The following TMEM117 variants were observed in gnomAD, a reference collection of about 807,000 sequenced individuals.
TMEM117 encodes the protein transmembrane protein 117.
TMEM117 carries 27 observed loss-of-function variants against 52.4 expected under a neutral mutation model. The observed-to-expected ratio is 0.51, with a 90% CI of 0.38 to 0.71. The LOEUF (loss-of-function observed/expected upper bound fraction) is 0.71, where lower values mean the gene tolerates loss of function less well. TMEM117 is among the 30% of genes least tolerant of loss of function. The pLI is 0.00. For missense variants in TMEM117, 556 were observed against 630.5 expected (o/e 0.88, Z 1.26); for synonymous variants, 215 against 206.3 (o/e 1.04, Z -0.36).
At chr12:44,189,457 T>C (rs1382803643) in intron 4 of TMEM117, among the ~76,000 whole-genome samples, 5 of 152,176 alleles carry the variant, frequency 3.3e-5, no homozygotes, top group African/African-American at 4.8e-5. Flanking sequence ...TTCTATACAA[T>C]AGTACCCTCC....
chr12:44,260,965 A>G (rs1950314011), intron 5 of TMEM117, among the ~76,000 whole-genome samples: 1 of 152,218 alleles, frequency 6.6e-6, no homozygotes, highest in African/African-American at 2.4e-5. Context: ...TTTATATAGC[A>G]TGTTTCTTGT....
At chr12:43,971,720 AG>A (rs1945590479) in intron 3 of TMEM117, among the ~76,000 whole-genome samples, 1 of 152,154 alleles carries the variant, frequency 6.6e-6, no homozygotes, top group African/African-American at 2.4e-5. Flanking sequence ...TCCCACCTCC[AG>A]TACTCTAGAT....
chr12:44,019,149 G>C (rs767641606), intron 3 of TMEM117, among the ~76,000 whole-genome samples: 8 of 151,800 alleles, frequency 5.3e-5, no homozygotes, highest in Non-Finnish European at 8.8e-5. Context: ...TTGTGTTTTT[G>C]TATGAAAGAA....
the TMEM117 span, among the ~76,000 whole-genome samples, chr12:43,824,264 T>C: frequency 6.6e-6 from 1 of 152,016 alleles, no homozygotes; most frequent in East Asian, 1.9e-4. Context: ...TGAAGAAGAG[T>C]GATTTCACTA....
chr12:44,038,691 C>T (rs1946750639), intron 3 of TMEM117, among the ~76,000 whole-genome samples: 1 of 152,182 alleles, frequency 6.6e-6, no homozygotes, highest in Non-Finnish European at 1.5e-5. Context: ...CCTGACGGAT[C>T]CTGTGACAAT....
Position 44,007,827 on chromosome 12 carries a change from A to G in TMEM117, c.410+63485A>G, listed in dbSNP as rs968863280. 4.6e-5 allele frequency among the ~76,000 whole-genome samples: 7 copies of G among 152,178 alleles called. No individual in the cohort carries two copies. The East Asian group carries it at 7.7e-4, about 17-fold the overall frequency. On this transcript the variant is annotated intron_variant, in intron 3 of 7. Coordinates refer to ENST00000266534, the MANE Select transcript of TMEM117 (RefSeq NM_032256.3). ...CTGCATAAGCTCTCTCTTTTTGTCTACTGCCATCCATGTAAGTCATGACTT... is the reference window on the plus strand; with the variant it reads ...CTGCATAAGCTCTCTCTTTTTGTCTGCTGCCATCCATGTAAGTCATGACTT...
chr12:44,216,781 A>G (rs962897484), intron 5 of TMEM117, among the ~76,000 whole-genome samples: 6 of 152,174 alleles, frequency 3.9e-5, no homozygotes, highest in African/African-American at 1.4e-4. Context: ...TGTGTACAGC[A>G]GTTGTGTACT....
chr12:43,832,350 T>G (rs1942987900), upstream of TMEM117, among the ~76,000 whole-genome samples: 1 of 152,230 alleles, frequency 6.6e-6, no homozygotes, highest in Non-Finnish European at 1.5e-5. Context: ...TTATAGATGT[T>G]GGTCATTTAA....
chr12:44,013,171 G>A (rs1946322179), intron 3 of TMEM117, among the ~76,000 whole-genome samples: 1 of 152,026 alleles, frequency 6.6e-6, no homozygotes, highest in Admixed American at 6.5e-5. Context: ...TGGGTCTACA[G>A]GCTCACACCA....
At position 44,344,108 on chromosome 12, in the gene TMEM117, G is replaced by A. The variant is rs137881722; in HGVS notation, c.769-32487G>A. On this transcript the variant is annotated intron_variant, in intron 6 of 7. Coordinates refer to ENST00000266534, the MANE Select transcript of TMEM117 (RefSeq NM_032256.3). Reference sequence around the variant, plus strand: ...GTTGAGAAATAAGTAGGGAGAGCAGGCTTGCATTTAAAATCACAACTACTA... The same window carrying A: ...GTTGAGAAATAAGTAGGGAGAGCAGACTTGCATTTAAAATCACAACTACTA... Among the ~76,000 whole-genome samples the A allele has an allele frequency of 5.4e-4, 82 of 152,242 alleles. 1 individual carries two copies. The highest frequency in any genetic ancestry group is 1.8e-3 in the African/African-American group (74 of 41,568).
chr12:43,813,229 T>G, the TMEM117 span, among the ~76,000 whole-genome samples: 2 of 133,574 alleles, frequency 1.5e-5, no homozygotes, highest in African/African-American at 3.0e-5. Flanking sequence ...TGGTTTTCTC[T>G]TGTTTTTTTT....
intron 3 of TMEM117, among the ~76,000 whole-genome samples, chr12:43,944,921 GC>G (rs1193441390): frequency 6.6e-6 from 1 of 152,074 alleles, no homozygotes; most frequent in East Asian, 1.9e-4. Context: ...GACCATCCTA[GC>G]CAACATGGTG....
chr12:43,850,628 G>A (rs545413683), intron 2 of TMEM117, among the ~76,000 whole-genome samples: 2 of 151,872 alleles, frequency 1.3e-5, no homozygotes, highest in African/African-American at 2.4e-5. Context: ...ACTCCCTCCC[G>A]TAAGACTTCA....
chr12:44,267,290 T>C (rs1249513624), intron 5 of TMEM117, among the ~76,000 whole-genome samples: 7 of 152,122 alleles, frequency 4.6e-5, no homozygotes, highest in African/African-American at 1.7e-4. Flanking sequence ...AATGAAATCT[T>C]TTTCTTAATT....
intron 4 of TMEM117, among the ~76,000 whole-genome samples, chr12:44,206,613 C>G (rs1949570432): frequency 6.6e-6 from 1 of 152,114 alleles, no homozygotes; most frequent in Non-Finnish European, 1.5e-5. Context: ...ACATAAATAC[C>G]ATCAAGTACT....
chr12:44,072,470 T>A (rs893700070), intron 3 of TMEM117, among the ~76,000 whole-genome samples: 15 of 152,284 alleles, frequency 9.9e-5, no homozygotes, highest in African/African-American at 3.4e-4. Context: ...GGTTCTGAGT[T>A]ACTTTTGTGA....
chr12:43,929,945 A>T (rs1944844962), intron 2 of TMEM117, among the ~76,000 whole-genome samples: 1 of 151,768 alleles, frequency 6.6e-6, no homozygotes, highest in Non-Finnish European at 1.5e-5. Flanking sequence ...TTGTTTCTTT[A>T]TGTGCCTAAT....
intron 6 of TMEM117, among the ~76,000 whole-genome samples, chr12:44,315,892 C>A (rs1234612772): frequency 6.6e-6 from 1 of 152,014 alleles, no homozygotes; most frequent in Admixed American, 6.6e-5. Context: ...AAAATAGCAA[C>A]CCCTGTTCTT....
intron 3 of TMEM117, among the ~76,000 whole-genome samples, chr12:44,104,005 G>A (rs1280187611): frequency 6.6e-6 from 1 of 151,836 alleles, no homozygotes; most frequent in Admixed American, 6.6e-5. Context: ...AAACTTTACA[G>A]TATAAACTCT....
Sources: allele counts gnomAD v4.1 joint callset (sites outside exome capture counted in the v4.1 genomes callset), GRCh38; gene constraint gnomAD v4.1.1; transcripts MANE v1.5; gene names NCBI Gene and HGNC (gene_info 2026-07-23, HGNC 2026-07-21).